Variants in SLC16A12 observed in about 807,000 individuals in gnomAD.
SLC16A12 encodes the protein monocarboxylate transporter 12.
SLC16A12 carries 17 observed loss-of-function variants against 42.4 expected under a neutral mutation model. The observed-to-expected ratio is 0.40, with a 90% CI of 0.27 to 0.60. The LOEUF is 0.60. Ranked by LOEUF, SLC16A12 falls within the 20% of genes least tolerant of loss-of-function variation. The probability of loss-of-function intolerance (pLI) is 0.42; values close to 1 mark genes in which losing one functional copy is unlikely to be tolerated. For synonymous variants in SLC16A12, 224 were observed against 229.4 expected, an observed-to-expected ratio of 0.98 and a Z score of 0.21; for missense variants, 544 against 623.0, an observed-to-expected ratio of 0.87 and a Z score of 1.35.
At chr10:89,439,561 C>T (rs1841867717) in intron 5 of SLC16A12, among the ~76,000 whole-genome samples, 3 of 152,180 alleles carry the variant, frequency 2.0e-5, no homozygotes, top group African/African-American at 7.2e-5. Flanking sequence ...CTAAACGCTT[C>T]ACTGCCTATG....
intron 3 of SLC16A12, among the ~76,000 whole-genome samples, chr10:89,447,096 C>CA (rs1239293768): frequency 6.6e-6 from 1 of 152,156 alleles, no homozygotes; most frequent in Non-Finnish European, 1.5e-5. Flanking sequence ...CAGGAGCACC[C>CA]AAATTCATAA....
chr10:89,545,127 G>A (rs1843735517), intron 2 of SLC16A12, among the ~76,000 whole-genome samples: 1 of 152,100 alleles, frequency 6.6e-6, no homozygotes, highest in Non-Finnish European at 1.5e-5. Context: ...CACCCCAGTT[G>A]AGCCCAGCCA....
chr10:89,461,225 G>C (rs1842294041), intron 3 of SLC16A12, among the ~76,000 whole-genome samples: 1 of 152,156 alleles, frequency 6.6e-6, no homozygotes, highest in African/African-American at 2.4e-5. Context: ...ACTGACTTTG[G>C]AGAAAAGTAA....
At chr10:89,459,800 G>A (rs1204841521) in intron 3 of SLC16A12, among the ~76,000 whole-genome samples, 1 of 152,098 alleles carries the variant, frequency 6.6e-6, no homozygotes, top group African/African-American at 2.4e-5. Flanking sequence ...AATTAGCTGG[G>A]TGTGGTGGCA....
At chr10:89,496,030 C>T (rs1391838350) in intron 2 of SLC16A12, among the ~76,000 whole-genome samples, 1 of 152,030 alleles carries the variant, frequency 6.6e-6, no homozygotes, top group East Asian at 1.9e-4. Flanking sequence ...AATAAATGAA[C>T]AACCAAAGAT....
intron 3 of SLC16A12, among the ~76,000 whole-genome samples, chr10:89,448,465 T>C (rs1842039255): frequency 6.6e-6 from 1 of 152,080 alleles, no homozygotes; most frequent in African/African-American, 2.4e-5. Context: ...CGCAAATCAA[T>C]AAATATAATC....
At chr10:89,524,085 A>T (rs140216925) in intron 2 of SLC16A12, among the ~76,000 whole-genome samples, 1,750 of 152,278 alleles carry the variant, frequency 0.011, 35 homozygotes, top group African/African-American at 0.04. Flanking sequence ...CAGAATATCA[A>T]ACTTTCTACC....
At chr10:89,493,693 C>T (rs2133810521) in intron 2 of SLC16A12, among the ~76,000 whole-genome samples, 1 of 152,294 alleles carries the variant, frequency 6.6e-6, no homozygotes, top group East Asian at 1.9e-4. Context: ...CCTCTTCCTT[C>T]CTCGGATTGG....
chr10:89,433,079 G>A lies in SLC16A12; in HGVS notation c.1536C>T (p.Gly512=). 1.2e-6 allele frequency: 2 copies of A among 1,614,140 alleles called. No homozygotes were observed. Among genetic ancestry groups the A allele is most frequent in the Non-Finnish European group, 1.7e-6 (2 of 1,179,998 alleles). Residue 512 remains glycine, a synonymous_variant, in exon 8 of 8, where the codon GGC becomes GGT. Transcript: ENST00000371790. ...AGGCCTTTGGTCATGTGAGGCTGTAGCCAGGCACTGCTGTAGCCACAGGCT... is the reference window on the plus strand; with the variant it reads ...AGGCCTTTGGTCATGTGAGGCTGTAACCAGGCACTGCTGTAGCCACAGGCT... ...HGEPVATAVP[G]YSLT
chr10:89,472,398 T>G (rs1001960807), intron 2 of SLC16A12, among the ~76,000 whole-genome samples: 1 of 151,962 alleles, frequency 6.6e-6, no homozygotes, highest in African/African-American at 2.4e-5. Context: ...ATGTCATATC[T>G]ACTTAAGTTA....
At chr10:89,500,961 A>C (rs1842984267) in intron 2 of SLC16A12, among the ~76,000 whole-genome samples, 3 of 152,062 alleles carry the variant, frequency 2.0e-5, no homozygotes, top group African/African-American at 7.3e-5. Context: ...ACACAAAACT[A>C]ATGTACACAA....
intron 2 of SLC16A12, among the ~76,000 whole-genome samples, chr10:89,506,647 A>G (rs758945986): frequency 2.0e-5 from 3 of 152,206 alleles, no homozygotes; most frequent in Non-Finnish European, 2.9e-5. Flanking sequence ...TAAAAATTCC[A>G]AAAACCAGAC....
chr10:89,504,467 A>T (rs1359413980), intron 2 of SLC16A12, among the ~76,000 whole-genome samples: 1 of 152,150 alleles, frequency 6.6e-6, no homozygotes, highest in Non-Finnish European at 1.5e-5. Flanking sequence ...ATATTATTGT[A>T]CCCTGGACAA....
intron 2 of SLC16A12, among the ~76,000 whole-genome samples, chr10:89,502,585 C>CA (rs1317170917): frequency 6.6e-6 from 1 of 152,210 alleles, no homozygotes; most frequent in Non-Finnish European, 1.5e-5. Flanking sequence ...GAGTTTGCAG[C>CA]ATTTCAGAGC....
At position 89,438,629 on chromosome 10, in the gene SLC16A12, T is replaced by C; in HGVS notation, c.1003A>G (p.Thr335Ala). 6.2e-7 allele frequency: 1 copy of C among 1,613,886 alleles called. No homozygotes were observed. The change falls in exon 6 of 8, where the codon ACA becomes GCA. Residue 335 changes from threonine (T) to alanine (A), a missense_variant. Physicochemically the swap from Thr to Ala is moderately conservative, Grantham distance 58. Coordinates refer to ENST00000371790, the MANE Select transcript of SLC16A12 (RefSeq NM_213606.4). ...LGVIDIIGNI[T>A]FGWLTDRRCL... The stretch of plus-strand genomic sequence containing the variant: ...CTTCTGTCGGTCAGCCATCCAAATG[T>C]GATATTGCCAATAATGTCAATCACT...
At chr10:89,466,249 T>C (rs1159245600) in intron 2 of SLC16A12, among the ~76,000 whole-genome samples, 2 of 152,234 alleles carry the variant, frequency 1.3e-5, no homozygotes, top group Non-Finnish European at 2.9e-5. Flanking sequence ...ATTTAACCTC[T>C]TTTCATTTGT....
Position 89,438,615 on chromosome 10 carries a change from C to T in SLC16A12, c.1017G>A (p.Leu339=), listed in dbSNP as rs750912507. 4 of 1,613,534 alleles carry T rather than the reference C, an allele frequency of 2.5e-6. No individual in the cohort carries two copies. The African/African-American group carries it at 5.3e-5, about 22-fold the overall frequency. ...TTCATGAATTTTACCTTCTGTCGGT[C>T]AGCCATCCAAATGTGATATTGCCAA... ...DIIGNITFGW[L]TDRRCLKNYQ... is the part of the protein sequence containing the mutation. Residue 339 remains leucine, a synonymous_variant, in exon 6 of 8, where the codon CTG becomes CTA. Coordinates refer to ENST00000371790, the MANE Select transcript of SLC16A12 (RefSeq NM_213606.4).
At chr10:89,510,972 T>C (rs1261879690) in intron 2 of SLC16A12, among the ~76,000 whole-genome samples, 3 of 152,050 alleles carry the variant, frequency 2.0e-5, no homozygotes, top group Non-Finnish European at 4.4e-5. Flanking sequence ...AACAAACTTA[T>C]AAAAAAATAC....
At chr10:89,555,513 A>ACGTATATATGTATATATG (rs1843805827) in intron 2 of SLC16A12, among the ~76,000 whole-genome samples, 1 of 121,328 alleles carries the variant, frequency 8.2e-6, no homozygotes, top group Non-Finnish European at 1.9e-5. Flanking sequence ...ACGTATATAT[A>ACGTATATATGTATATATG]TGTATATATG....
Sources: allele counts gnomAD v4.1 joint callset (sites outside exome capture counted in the v4.1 genomes callset), GRCh38; gene constraint gnomAD v4.1.1; transcripts MANE v1.5; gene names NCBI Gene and HGNC (gene_info 2026-07-23, HGNC 2026-07-21).